GUCY1B1: variants seen among roughly 807,000 people sequenced by gnomAD.
GUCY1B1 encodes the protein guanylate cyclase soluble subunit beta-1.
A neutral mutation model predicts 71.0 loss-of-function variants in GUCY1B1; 43 were observed. That is an observed-to-expected ratio of 0.61 (90% CI 0.47 to 0.78). GUCY1B1 has a LOEUF of 0.78. Ranked by LOEUF, GUCY1B1 falls within the 30% of genes least tolerant of loss-of-function variation. The pLI is 0.00. For synonymous variants in GUCY1B1, 266 were observed against 259.7 expected, an observed-to-expected ratio of 1.02 and a Z score of -0.23; for missense variants, 535 against 754.1, an observed-to-expected ratio of 0.71 and a Z score of 3.40.
intron 4 of GUCY1B1, among the ~76,000 whole-genome samples, chr4:155,779,645 G>A (rs58924427): frequency 0.012 from 1,887 of 152,058 alleles, 41 homozygotes; most frequent in African/African-American, 0.042. Context: ...CATTTTAAGG[G>A]CAAATTGAAT....
At chr4:155,800,653 A>G (rs939405834) in intron 9 of GUCY1B1, among the ~76,000 whole-genome samples, 2 of 152,248 alleles carry the variant, frequency 1.3e-5, no homozygotes, top group African/African-American at 4.8e-5. Context: ...GGTGGATTCA[A>G]TTATGAAATA....
At chr4:155,797,498 C>T (rs1409888066) in intron 8 of GUCY1B1, among the ~76,000 whole-genome samples, 2 of 151,752 alleles carry the variant, frequency 1.3e-5, no homozygotes, top group Admixed American at 6.6e-5. Context: ...CCAGCACTTT[C>T]GGAGGCCGAG....
intron 4 of GUCY1B1, among the ~76,000 whole-genome samples, chr4:155,778,046 ATG>A (rs1442932580): frequency 1.3e-5 from 2 of 152,166 alleles, no homozygotes; most frequent in African/African-American, 4.8e-5. Context: ...TAATCGAGCA[ATG>A]TATCAGTATT....
intron 2 of GUCY1B1, among the ~76,000 whole-genome samples, chr4:155,761,806 A>G (rs1737015138): frequency 6.6e-6 from 1 of 152,248 alleles, no homozygotes; most frequent in South Asian, 2.1e-4. Flanking sequence ...ATTTGTCTAA[A>G]GGATAAAAAT....
chr4:155,786,763 G>A (rs942300388), intron 4 of GUCY1B1, among the ~76,000 whole-genome samples: 2 of 151,720 alleles, frequency 1.3e-5, no homozygotes, highest in East Asian at 1.9e-4. Context: ...GTGAGGCACC[G>A]CGCCTGGCCA....
rs556221463 is a variant in GUCY1B1 at position 155,798,358 on chromosome 4, A to G, written c.978-1519A>G. Among the ~76,000 whole-genome samples, 3 of 152,304 alleles carry G rather than the reference A, an allele frequency of 2.0e-5. No homozygotes were observed. In the Middle Eastern group the frequency reaches 0.01, roughly 518 times the overall value. ...TATGATTTAAGTTTTGTAACTCAGT[A>G]TGAGCATTTTTGACCATTCATTTTT... is the stretch of plus-strand genomic sequence containing the variant. On this transcript the variant is annotated intron_variant, in intron 8 of 13. Transcript: ENST00000264424.
At chr4:155,766,404 A>G (rs1292581784) in intron 2 of GUCY1B1, among the ~76,000 whole-genome samples, 1 of 152,178 alleles carries the variant, frequency 6.6e-6, no homozygotes, top group Non-Finnish European at 1.5e-5. Context: ...GCCAATTGCC[A>G]TATTCATCAC....
intron 4 of GUCY1B1, among the ~76,000 whole-genome samples, 169 bp from the exon 5 acceptor site, chr4:155,789,545 G>A (rs567530030): frequency 6.6e-6 from 1 of 152,056 alleles, no homozygotes; most frequent in South Asian, 2.1e-4. Context: ...TTTTCTCTGT[G>A]GCACTTGCTT....
At position 155,802,525 on chromosome 4, in the gene GUCY1B1, C is replaced by T; in HGVS notation, c.1359C>T (p.Leu453=). 6.2e-7 allele frequency: 1 copy of T among 1,612,970 alleles called. No individual in the cohort carries two copies. The highest frequency in any genetic ancestry group is 2.2e-5 in the East Asian group (1 of 44,856). The change falls in exon 10 of 14, where the codon CTC becomes CTT. Residue 453 remains leucine, a synonymous_variant. Coordinates refer to ENST00000264424, the MANE Select transcript of GUCY1B1 (RefSeq NM_000857.5). The surrounding 1 kb of genome is among the most constrained non-coding windows in gnomAD (Gnocchi z 4.3). The part of the protein sequence containing the change: ...AMKIVNLLND[L]YTRFDTLTDS... ...AGATCGTCAACCTCCTCAACGACCT[C>T]TACACCAGATTTGACACACTGACTG...
chr4:155,767,091 T>A (rs1159236423), intron 2 of GUCY1B1, among the ~76,000 whole-genome samples: 3 of 152,192 alleles, frequency 2.0e-5, no homozygotes, highest in Non-Finnish European at 4.4e-5. Context: ...GAGCTGGGAT[T>A]TGAACACAGA....
At chr4:155,764,131 A>G (rs927665689) in intron 2 of GUCY1B1, among the ~76,000 whole-genome samples, 13 of 152,210 alleles carry the variant, frequency 8.5e-5, no homozygotes, top group Non-Finnish European at 1.9e-4. Flanking sequence ...CAAACAAAAG[A>G]GCACATCACC....
Position 155,794,091 on chromosome 4 carries a change from A to G in GUCY1B1, c.726+5A>G, listed in dbSNP as rs1254660022. On this transcript the variant is annotated splice_donor_5th_base_variant and intron_variant, in intron 6 of 13. Coordinates refer to ENST00000264424, the MANE Select transcript of GUCY1B1 (RefSeq NM_000857.5). ...ATATACAGAGTTCTCCCCCAGGTAA[A>G]ATGACAGCATACTTCCTTGGGGCCT... The G allele has an allele frequency of 2.0e-6, 3 of 1,482,104 alleles. No individual in the cohort carries two copies. Among genetic ancestry groups the G allele is most frequent in the Admixed American group, 3.4e-5 (2 of 59,586 alleles). The allele number at this position is 1,482,104 out of a possible 1,614,324, so 91.8% of individuals were successfully genotyped here. A position where few individuals can be genotyped will look rare whatever the true frequency, so the allele number is the denominator to read the frequency against.
intron 2 of GUCY1B1, among the ~76,000 whole-genome samples, chr4:155,765,612 C>T (rs1484758608): frequency 6.6e-6 from 1 of 152,156 alleles, no homozygotes; most frequent in Admixed American, 6.5e-5. Context: ...GGTTCTGTTG[C>T]ATATTCTGGT....
At chr4:155,795,205 A>G (rs993529047) in intron 6 of GUCY1B1, 136 bp from the exon 7 acceptor site, 8 of 522,506 alleles carry the variant, frequency 1.5e-5, no homozygotes, top group Non-Finnish European at 2.7e-5. Flanking sequence ...AGTTCAGCTA[A>G]GTTTCCCTTG....
At chr4:155,759,743 G>A (rs1371821849) in intron 1 of GUCY1B1, 44 bp from the exon 2 acceptor site, 1 of 1,467,312 alleles carries the variant, frequency 6.8e-7, no homozygotes, top group Non-Finnish European at 9.5e-7. Context: ...CGCTTCTCAG[G>A]TACAGCGGGT....
intron 4 of GUCY1B1, among the ~76,000 whole-genome samples, chr4:155,782,644 G>C (rs1304016515): frequency 1.3e-5 from 2 of 152,190 alleles, no homozygotes; most frequent in Admixed American, 6.5e-5. Flanking sequence ...TCTTCCTTGC[G>C]GGAGGTAAAA....
chr4:155,767,750 G>T (rs61353583), intron 2 of GUCY1B1, among the ~76,000 whole-genome samples: 2,034 of 152,148 alleles, frequency 0.013, 53 homozygotes, highest in African/African-American at 0.047. Flanking sequence ...TGGGGTTCAG[G>T]CTTACTGAGA....
At chr4:155,768,190 A>G (rs925389055) in intron 2 of GUCY1B1, among the ~76,000 whole-genome samples, 12 of 152,242 alleles carry the variant, frequency 7.9e-5, no homozygotes, top group African/African-American at 2.9e-4. Flanking sequence ...AAACTTCTTT[A>G]ACTGAAATAT....
At chr4:155,792,018 C>T (rs1579238259) in intron 5 of GUCY1B1, among the ~76,000 whole-genome samples, 1 of 152,098 alleles carries the variant, frequency 6.6e-6, no homozygotes. Context: ...ATATGGTTCA[C>T]TTTATAAAAT....
Sources: allele counts gnomAD v4.1 joint callset (sites outside exome capture counted in the v4.1 genomes callset), GRCh38; gene constraint gnomAD v4.1.1; non-coding constraint Gnocchi (gnomAD v3.1); transcripts MANE v1.5; gene names NCBI Gene and HGNC (gene_info 2026-07-23, HGNC 2026-07-21).